The following VSTM1 variants were observed in gnomAD, a reference collection of about 807,000 sequenced individuals.
The protein encoded by VSTM1 is V-set and transmembrane domain containing 1.
In VSTM1, 27 loss-of-function variants were observed where a neutral mutation model predicts 33.1. The observed-to-expected ratio is 0.82, with a 90% CI of 0.60 to 1.12. The LOEUF is 1.12. VSTM1 is among the 50% of genes most tolerant of loss of function. The probability of loss-of-function intolerance (pLI) is 0.00; values close to 1 mark genes in which losing one functional copy is unlikely to be tolerated. For synonymous variants in VSTM1, 115 were observed against 110.3 expected (o/e 1.04, Z -0.27); for missense variants, 304 against 288.9 (o/e 1.05, Z -0.38).
intron 4 of VSTM1, among the ~76,000 whole-genome samples, chr19:54,042,820 A>ATGTATATG (rs762634246): frequency 1.3e-5 from 1 of 79,960 alleles, no homozygotes; most frequent in African/African-American, 5.4e-5. Flanking sequence ...ATATATATAT[A>ATGTATATG]TATATATATA....
At chr19:54,045,090 C>T (rs542990780) in intron 4 of VSTM1, among the ~76,000 whole-genome samples, 1 of 152,322 alleles carries the variant, frequency 6.6e-6, no homozygotes, top group South Asian at 2.1e-4. Context: ...AGATGCTTCA[C>T]ACGCCTGGTC....
In VSTM1 at chr19:54,051,515, C is replaced by T. The variant is rs1165388534; in HGVS notation, c.356-67G>A. On this transcript the variant is annotated intron_variant, in intron 3 of 8. Transcript: ENST00000338372. ...CAGGAACCTTGGGGACAGGAGTCCTCACGTCCTACTTATAGACATCCTGTT... is the reference window on the plus strand; with the variant it reads ...CAGGAACCTTGGGGACAGGAGTCCTTACGTCCTACTTATAGACATCCTGTT... 3.1e-6 allele frequency: 4 copies of T among 1,297,150 alleles called. No individual in the cohort carries two copies. The Admixed American group carries it at 7.1e-5, about 23-fold the overall frequency. 80.4% of individuals were successfully genotyped at this position (1,297,150 alleles called of 1,614,324 possible).
chr19:54,063,487 G>C (rs1420522330), intron 1 of VSTM1, among the ~76,000 whole-genome samples: 1 of 152,102 alleles, frequency 6.6e-6, no homozygotes, highest in African/African-American at 2.4e-5. Context: ...GGTATTTAGC[G>C]GCTGCAGACT....
chr19:54,062,123 C>G (rs1600172584), intron 1 of VSTM1, among the ~76,000 whole-genome samples: 2 of 151,378 alleles, frequency 1.3e-5, no homozygotes, highest in Admixed American at 6.6e-5. Flanking sequence ...CCACTGCACT[C>G]TAGCCTGGGT....
At chr19:54,053,021 C>A (rs75256409) in intron 3 of VSTM1, 10,527 of 153,854 alleles carry the variant, frequency 0.068, 1,650 homozygotes, top group Admixed American at 0.12. Flanking sequence ...GTGACCCTTC[C>A]AGCATATAAA....
intron 1 of VSTM1, among the ~76,000 whole-genome samples, chr19:54,059,499 G>A (rs111520370): frequency 0.012 from 1,795 of 152,134 alleles, 34 homozygotes; most frequent in African/African-American, 0.041. Context: ...ACAGAGTCTC[G>A]CTGTGTCACC....
chr19:54,053,181 C>T (rs1258034902), intron 3 of VSTM1, among the ~76,000 whole-genome samples: 1 of 141,014 alleles, frequency 7.1e-6, no homozygotes, highest in Non-Finnish European at 1.6e-5. Flanking sequence ...ATTCCAGGAA[C>T]ACTCACACTT....
chr19:54,042,308 T>A lies in VSTM1; in HGVS notation c.456A>T (p.Ser152=). Residue 152 remains serine (S), a synonymous_variant, in exon 5 of 9, where the codon TCA becomes TCT. Transcript: ENST00000338372. ...SCISILLLFL[S]VFIIYRCSQH... is the part of the protein sequence containing the mutation. ...GGCTGCATCTGTAGATGATGAAGACTGAGAGGAAGAGGAGAAGGATGGAGA... is the reference window on the plus strand; with the variant it reads ...GGCTGCATCTGTAGATGATGAAGACAGAGAGGAAGAGGAGAAGGATGGAGA... The A allele has an allele frequency of 6.2e-7, 1 of 1,613,626 alleles. No individual in the cohort carries two copies. Among genetic ancestry groups the A allele is most frequent in the Non-Finnish European group, 8.5e-7 (1 of 1,179,900 alleles).
At chr19:54,041,699 T>G in intron 8 of VSTM1, 80 bp downstream of exon 8, 1 of 1,453,456 alleles carries the variant, frequency 6.9e-7, no homozygotes, top group Non-Finnish European at 9.5e-7. Flanking sequence ...CATTTCTGTA[T>G]GGGCTTAACC....
chr19:54,056,209 C>CTTTT (rs879970929), intron 3 of VSTM1, among the ~76,000 whole-genome samples: 53 of 46,500 alleles, frequency 1.1e-3, no homozygotes, highest in East Asian at 3.0e-3. Context: ...CTTTTCTTTT[C>CTTTT]TTTTCTTTTT....
chr19:54,050,305 C>T (rs1446887648), intron 4 of VSTM1, among the ~76,000 whole-genome samples: 2 of 151,816 alleles, frequency 1.3e-5, no homozygotes, highest in African/African-American at 2.4e-5. Flanking sequence ...GGCCCAAAAG[C>T]TCTAATTTTT....
intron 1 of VSTM1, among the ~76,000 whole-genome samples, chr19:54,061,372 T>C (rs984615188): frequency 2.0e-4 from 30 of 152,340 alleles, no homozygotes; most frequent in African/African-American, 7.2e-4. Context: ...GACCTGCGAA[T>C]GTGACCTTAT....
rs373999097 is a variant in VSTM1, at chr19:54,058,286, A to T, written c.355+20T>A. ...AACCAAAGAAATGTGTGCATCAAAG[A>T]GTACATCTGCCCTTCTCACCTGTGA... On this transcript the variant is annotated intron_variant, in intron 3 of 8. Coordinates refer to ENST00000338372, the MANE Select transcript of VSTM1 (RefSeq NM_198481.4). The T allele has an allele frequency of 6.2e-7, 1 of 1,604,290 alleles. No individual in the cohort carries two copies. Among genetic ancestry groups the T allele is most frequent in the Non-Finnish European group, 8.5e-7 (1 of 1,173,164 alleles).
intron 6 of VSTM1, 56 bp downstream of exon 6, chr19:54,042,113 G>A: frequency 1.9e-6 from 3 of 1,595,632 alleles, no homozygotes; most frequent in Non-Finnish European, 2.6e-6. Context: ...GTGCCAATGG[G>A]TTCCCTTGAG....
At position 54,041,768 on chromosome 19, in the gene VSTM1, G is replaced by T; in HGVS notation, c.591+11C>A. ...GGAGCTCTTGTGGGACTCCTAAGCGGGAGGACTCACCGAGAGAGATACCCT... is the reference window on the plus strand; with the variant it reads ...GGAGCTCTTGTGGGACTCCTAAGCGTGAGGACTCACCGAGAGAGATACCCT... On this transcript the variant is annotated intron_variant, in intron 8 of 8. Coordinates refer to ENST00000338372, the MANE Select transcript of VSTM1 (RefSeq NM_198481.4). 1 of 1,612,608 alleles carries T rather than the reference G, an allele frequency of 6.2e-7. No homozygotes were observed. Among genetic ancestry groups the T allele is most frequent in the Non-Finnish European group, 8.5e-7 (1 of 1,179,612 alleles).
At chr19:54,043,642 C>T (rs1256028286) in intron 4 of VSTM1, among the ~76,000 whole-genome samples, 3 of 152,038 alleles carry the variant, frequency 2.0e-5, no homozygotes, top group Admixed American at 6.6e-5. Context: ...GAACTACTGA[C>T]CTCAGGCAAT....
intron 3 of VSTM1, among the ~76,000 whole-genome samples, chr19:54,056,054 A>C (rs2071068844): frequency 7.2e-6 from 1 of 139,422 alleles, no homozygotes. Context: ...CAGAGCCCAT[A>C]CTCTCAACCA....
chr19:54,048,228 G>A (rs1293468813), intron 4 of VSTM1: 4 of 197,210 alleles, frequency 2.0e-5, no homozygotes, highest in Non-Finnish European at 4.4e-5. Flanking sequence ...CGATCTTTCT[G>A]CCTGAGCCTC....
At chr19:54,041,151 G>A in intron 8 of VSTM1, 71 bp from the exon 9 acceptor site, 1 of 1,421,260 alleles carries the variant, frequency 7.0e-7, no homozygotes, top group Non-Finnish European at 9.3e-7. Flanking sequence ...CATGGCTATT[G>A]ACATTTAAGT....
Sources: allele counts gnomAD v4.1 joint callset (sites outside exome capture counted in the v4.1 genomes callset), GRCh38; gene constraint gnomAD v4.1.1; transcripts MANE v1.5; gene names NCBI Gene and HGNC (gene_info 2026-07-23, HGNC 2026-07-21).